PRMT2: variants seen among roughly 807,000 people sequenced by gnomAD.
PRMT2 encodes protein arginine methyltransferase 2.
Under a neutral mutation model 57.6 loss-of-function variants are expected in PRMT2, and 26 were observed. The ratio of observed to expected loss-of-function variants is 0.45; its 90% CI spans 0.33 to 0.63. PRMT2 has a LOEUF of 0.63. Ranked by LOEUF, PRMT2 falls within the 20% of genes least tolerant of loss-of-function variation. The probability of loss-of-function intolerance (pLI) is 0.02; values close to 1 mark genes in which losing one functional copy is unlikely to be tolerated. For synonymous variants in PRMT2, 219 were observed against 220.0 expected, an observed-to-expected ratio of 1.00 and a Z score of 0.04; for missense variants, 472 against 564.4, an observed-to-expected ratio of 0.84 and a Z score of 1.66.
intron 10 of PRMT2, among the ~76,000 whole-genome samples, chr21:46,662,752 G>T (rs2061649770): frequency 1.3e-5 from 2 of 152,202 alleles, no homozygotes; most frequent in Non-Finnish European, 2.9e-5. Flanking sequence ...AGGGAAGACA[G>T]AGCCTGAGGA....
In PRMT2 at chr21:46,648,540, C is replaced by A. The variant is rs575840670; in HGVS notation, c.410C>A (p.Thr137Lys). 32 of 1,614,200 alleles carry A rather than the reference C, an allele frequency of 2.0e-5. No individual in the cohort carries two copies. The highest frequency in any genetic ancestry group is 2.6e-5 in the Non-Finnish European group (31 of 1,180,020). The change falls in exon 6 of 12, where the codon ACG becomes AAG. Residue 137 changes from threonine to lysine, a missense_variant. Around this residue, in one of 2 missense-constraint regions of PRMT2, gnomAD observed 243 missense variants for 347.2 expected, o/e 0.70. Transcript: ENST00000355680. This position sits in a 1 kb window ranked among gnomAD's most constrained non-coding sequence, Gnocchi z 4.8. Reference sequence around the variant, plus strand: ...ATCCTGCAGAATAAAGAATCCCTGACGGATAAAGTCATCCTGGACGTGGGC... The same window carrying A: ...ATCCTGCAGAATAAAGAATCCCTGAAGGATAAAGTCATCCTGGACGTGGGC... ...SVILQNKESL[T>K]DKVILDVGCG... is the part of the protein sequence containing the mutation.
chr21:46,638,268 T>C (rs542557544), intron 3 of PRMT2, among the ~76,000 whole-genome samples: 2 of 152,356 alleles, frequency 1.3e-5, no homozygotes, highest in East Asian at 3.9e-4. Flanking sequence ...GGTTCAATCC[T>C]GCCACTGTAG....
intron 10 of PRMT2, 56 bp downstream of exon 10, chr21:46,661,992 GGGTGCGGGGATGGGGCGCGC>G: frequency 2.7e-6 from 2 of 732,584 alleles, no homozygotes; most frequent in Non-Finnish European, 1.8e-6. Flanking sequence ...GGAGTAGGCG[GGGTGCGGGGATGGGGCGCGC>G]AGGAGGGGGT....
intron 3 of PRMT2, among the ~76,000 whole-genome samples, chr21:46,637,437 G>A (rs1409357962): frequency 6.6e-6 from 1 of 152,122 alleles, no homozygotes; most frequent in African/African-American, 2.4e-5. Context: ...AAATTGTAAA[G>A]ACTGTTGATT....
At chr21:46,662,708 C>T (rs2061649196) in intron 10 of PRMT2, among the ~76,000 whole-genome samples, 1 of 152,184 alleles carries the variant, frequency 6.6e-6, no homozygotes, top group Non-Finnish European at 1.5e-5. Context: ...CCCCCCACTT[C>T]ACTGCTGGCC....
intron 3 of PRMT2, 31 bp downstream of exon 3, chr21:46,637,021 T>C (rs1252910257): frequency 6.2e-7 from 1 of 1,610,086 alleles, no homozygotes; most frequent in Non-Finnish European, 8.5e-7. Context: ...TAAAAATCTG[T>C]GTTTAATGAA....
chr21:46,664,253 GA>G, intron 11 of PRMT2, 41 bp from the exon 12 acceptor site: 1 of 1,488,582 alleles, frequency 6.7e-7, no homozygotes. Flanking sequence ...TTAATCAAAT[GA>G]TTTATCATCT....
chr21:46,659,921 C>A, intron 8 of PRMT2: 1 of 985,312 alleles, frequency 1.0e-6, no homozygotes, highest in Non-Finnish European at 1.2e-6. Context: ...GCAGAATAAA[C>A]CGTGTATACA....
At chr21:46,663,302 C>T (rs1014571207) in intron 10 of PRMT2, 81 bp from the exon 11 acceptor site, 135 of 1,428,348 alleles carry the variant, frequency 9.5e-5, no homozygotes, top group Non-Finnish European at 1.1e-4. Flanking sequence ...AGAGCCAGTG[C>T]GAGCCTGAGT....
chr21:46,660,436 A>G (rs956077479), intron 8 of PRMT2, among the ~76,000 whole-genome samples: 1 of 152,216 alleles, frequency 6.6e-6, no homozygotes, highest in Non-Finnish European at 1.5e-5. Flanking sequence ...GATCCACAAA[A>G]GATTTTGAAA....
rs748098269 is a variant in PRMT2 at position 46,664,302 on chromosome 21, A to G, written c.1277A>G (p.Glu426Gly). 1 of 1,612,554 alleles carries G rather than the reference A, an allele frequency of 6.2e-7. No individual in the cohort carries two copies. The highest frequency in any genetic ancestry group is 8.5e-7 in the Non-Finnish European group (1 of 1,178,616). ...GTCATTTATCTTTTTCAGGTTGGAG[A>G]AAAAGTCTTCCCCATCTGGAGATGA... The part of the protein sequence containing the change: ...RQDPTSQKVG[E>G]KVFPIWR Residue 426 changes from glutamate (E) to glycine (G), a missense_variant, in exon 12 of 12, where the codon GAA becomes GGA. Physicochemically the swap from Glu to Gly is moderately conservative, Grantham distance 98 (BLOSUM62 -2). Coordinates refer to ENST00000355680, the MANE Select transcript of PRMT2 (RefSeq NM_206962.4).
chr21:46,657,798 A>T (rs191459096), intron 7 of PRMT2: 1 of 152,220 alleles, frequency 6.6e-6, no homozygotes, highest in African/African-American at 2.4e-5. Flanking sequence ...CTGTTTCACT[A>T]CATAACTGAA....
At chr21:46,640,009 C>G (rs1357546374) in intron 3 of PRMT2, among the ~76,000 whole-genome samples, 1 of 152,128 alleles carries the variant, frequency 6.6e-6, no homozygotes, top group African/African-American at 2.4e-5. Flanking sequence ...CATATTACCT[C>G]CTTTAATAGC....
chr21:46,637,980 C>T (rs2061204848), intron 3 of PRMT2, among the ~76,000 whole-genome samples: 2 of 152,056 alleles, frequency 1.3e-5, no homozygotes, highest in South Asian at 2.1e-4. Flanking sequence ...AAAGAAAAAG[C>T]GACACTCTAG....
At position 46,649,723 on chromosome 21, in the gene PRMT2, T is replaced by C. The variant is rs2061420897; in HGVS notation, c.638T>C (p.Met213Thr). 1.9e-6 allele frequency: 3 copies of C among 1,613,476 alleles called. No individual in the cohort carries two copies. Among genetic ancestry groups the C allele is most frequent in the Non-Finnish European group, 2.5e-6 (3 of 1,179,840 alleles). The change falls in exon 7 of 12, where the codon ATG (methionine) becomes ACG (threonine). Residue 213 changes from methionine (M) to threonine (T), a missense_variant. Physicochemically the swap from Met to Thr is moderately conservative, Grantham distance 81. This residue lies in a region of PRMT2 where 243 missense variants were observed against 347.2 expected (regional missense o/e 0.70). Transcript: ENST00000355680. The surrounding 1 kb of genome is among the most constrained non-coding windows in gnomAD (Gnocchi z 4.8). ...EKVDVLVSEWMGTCLLFEFMI... is the reference protein window; with the variant it reads ...EKVDVLVSEWTGTCLLFEFMI... Reference sequence around the variant, plus strand: ...GTGGACGTGCTGGTGTCTGAGTGGATGGGGACCTGCCTGCTGGTGAGGGCG... The same window carrying C: ...GTGGACGTGCTGGTGTCTGAGTGGACGGGGACCTGCCTGCTGGTGAGGGCG...
intron 4 of PRMT2, among the ~76,000 whole-genome samples, chr21:46,644,016 T>C (rs1039946490): frequency 6.6e-6 from 1 of 152,204 alleles, no homozygotes; most frequent in African/African-American, 2.4e-5. Context: ...TTGGCATAGT[T>C]GAGTTACAAT....
intron 10 of PRMT2, among the ~76,000 whole-genome samples, chr21:46,662,181 C>G (rs1367313565): frequency 6.6e-6 from 1 of 152,180 alleles, no homozygotes; most frequent in African/African-American, 2.4e-5. Context: ...GGCGTCCCTC[C>G]GACAACAGCC....
intron 8 of PRMT2, among the ~76,000 whole-genome samples, chr21:46,660,316 T>C (rs1471555027): frequency 6.6e-6 from 1 of 152,202 alleles, no homozygotes; most frequent in African/African-American, 2.4e-5. Context: ...AGAGCAAGTA[T>C]TTCTCCTGAA....
Position 46,664,489 on chromosome 21 carries a change from C to G in PRMT2, c.*162C>G, listed in dbSNP as rs1300813760. The G allele has an allele frequency of 1.7e-5, 15 of 884,886 alleles. No homozygotes were observed. The highest frequency in any genetic ancestry group is 1.3e-4 in the South Asian group (9 of 70,202). 54.8% of individuals were successfully genotyped at this position (884,886 alleles called of 1,614,324 possible). A position where few individuals can be genotyped will look rare whatever the true frequency, so the allele number is the denominator to read the frequency against. ...TGGCAGGTGACGTCAGGGTCCTTCA[C>G]AGACAAACACGCTTGGGCTCGGCAG... is the stretch of plus-strand genomic sequence containing the variant. On this transcript the variant is annotated 3_prime_UTR_variant, in exon 12 of 12. Transcript: ENST00000355680.
Sources: allele counts gnomAD v4.1 joint callset (sites outside exome capture counted in the v4.1 genomes callset), GRCh38; gene constraint gnomAD v4.1.1; regional missense constraint gnomAD v4.1.1; non-coding constraint Gnocchi (gnomAD v3.1); transcripts MANE v1.5; gene names NCBI Gene and HGNC (gene_info 2026-07-23, HGNC 2026-07-21).